JAM3: variants seen among roughly 807,000 people sequenced by gnomAD.
JAM3 encodes the protein junctional adhesion molecule C.
JAM3 carries 31 observed loss-of-function variants against 39.4 expected under a neutral mutation model. The ratio of observed to expected loss-of-function variants is 0.79; its 90% CI spans 0.59 to 1.06. The LOEUF (loss-of-function observed/expected upper bound fraction) is 1.06, where lower values mean the gene tolerates loss of function less well. Among genes scored for constraint, JAM3 ranks in the 50% least tolerant of loss-of-function variants. The probability of loss-of-function intolerance (pLI) is 0.00; values close to 1 mark genes in which losing one functional copy is unlikely to be tolerated. For synonymous variants in JAM3, 182 were observed against 148.7 expected, an observed-to-expected ratio of 1.22 and a Z score of -1.63; for missense variants, 455 against 391.4, an observed-to-expected ratio of 1.16 and a Z score of -1.37.
chr11:134,118,969 C>CTTTTTT lies in JAM3; in HGVS notation c.77-20871_77-20866dup, dbSNP rs61244231. Among the ~76,000 whole-genome samples the CTTTTTT allele has an allele frequency of 2.8e-5, 4 of 140,418 alleles. No individual in the cohort carries two copies. In the East Asian group the frequency reaches 6.2e-4, roughly 22 times the overall value. The allele number at this position is 140,418 out of a possible 152,430, so 92.1% of individuals were successfully genotyped here. On this transcript the variant is annotated intron_variant, in intron 1 of 8. Transcript: ENST00000299106. ...TTAATCAGATTTGTGCTCAAGAAAT[C>CTTTTTT]TTTTTTTTTTTTTTTTGATACAGAG...
intron 1 of JAM3, chr11:134,124,241 CTCG>C: frequency 1.1e-5 from 14 of 1,242,750 alleles, no homozygotes; most frequent in Non-Finnish European, 1.7e-5. Flanking sequence ...CCTCTGGGAA[CTCG>C]TTGAGAGTAG....
intron 1 of JAM3, among the ~76,000 whole-genome samples, chr11:134,080,620 G>A (rs1941650689): frequency 1.3e-5 from 2 of 152,148 alleles, no homozygotes; most frequent in South Asian, 4.1e-4. Flanking sequence ...CCGTGATTGT[G>A]AGGCCTCCCC....
chr11:134,111,437 A>G (rs1476384752), intron 1 of JAM3, among the ~76,000 whole-genome samples: 1 of 152,138 alleles, frequency 6.6e-6, no homozygotes, highest in East Asian at 1.9e-4. Context: ...AATACCAGTG[A>G]AAATCAAGGC....
chr11:134,116,723 G>A (rs933720672), intron 1 of JAM3, among the ~76,000 whole-genome samples: 15 of 151,684 alleles, frequency 9.9e-5, no homozygotes, highest in African/African-American at 3.6e-4. Context: ...TTGGTTATCA[G>A]GTGTCACTGC....
intron 1 of JAM3, among the ~76,000 whole-genome samples, chr11:134,108,714 C>T (rs368327041): frequency 6.6e-6 from 1 of 152,028 alleles, no homozygotes; most frequent in African/African-American, 2.4e-5. Context: ...TCAACAGATG[C>T]AGAAAAAGCA....
intron 1 of JAM3, among the ~76,000 whole-genome samples, chr11:134,090,569 A>G (rs1039443588): frequency 2.0e-5 from 3 of 152,238 alleles, no homozygotes; most frequent in African/African-American, 7.2e-5. Flanking sequence ...GCTTCAAACT[A>G]TTAAGTAAAT....
intron 1 of JAM3, among the ~76,000 whole-genome samples, chr11:134,100,863 A>G (rs470944): frequency 0.4 from 60,126 of 152,108 alleles, 12,931 homozygotes; most frequent in African/African-American, 0.58. Flanking sequence ...CCACTATATT[A>G]TACTGCTTCC....
At chr11:134,101,387 C>G (rs1287492335) in intron 1 of JAM3, among the ~76,000 whole-genome samples, 1 of 152,034 alleles carries the variant, frequency 6.6e-6, no homozygotes, top group Non-Finnish European at 1.5e-5. Flanking sequence ...TGCAGAAGAC[C>G]AGAATATTTA....
chr11:134,119,468 T>A (rs1007752985), intron 1 of JAM3, among the ~76,000 whole-genome samples: 4 of 152,206 alleles, frequency 2.6e-5, no homozygotes, highest in African/African-American at 4.8e-5. Flanking sequence ...TATTAGTGTT[T>A]AGGATTCTCC....
intron 3 of JAM3, among the ~76,000 whole-genome samples, chr11:134,143,119 C>T (rs1943005376): frequency 6.6e-6 from 1 of 152,172 alleles, no homozygotes; most frequent in Non-Finnish European, 1.5e-5. Flanking sequence ...ACCAAGAGTA[C>T]AACTGCTGAG....
At position 134,146,567 on chromosome 11, in the gene JAM3, AAAAC is replaced by A. The variant is rs1163669263; in HGVS notation, c.712+526_712+529del. Among the ~76,000 whole-genome samples, 9 of 151,614 alleles carry A rather than the reference AAAAC, an allele frequency of 5.9e-5. No individual in the cohort carries two copies. The South Asian group carries it at 8.3e-4, about 14-fold the overall frequency. ...CTTGGGGAGCTTTTTTTTTTCTTAA[AAAAC>A]AAAAAACAAAAAACACCACAGGGTC... On this transcript the variant is annotated intron_variant, in intron 6 of 8. Transcript: ENST00000299106.
Position 134,144,243 on chromosome 11 carries a change from G to T in JAM3, c.259G>T (p.Asp87Tyr). 6.2e-7 allele frequency: 1 copy of T among 1,614,182 alleles called. No individual in the cohort carries two copies. Among genetic ancestry groups the T allele is most frequent in the South Asian group, 1.1e-5 (1 of 91,084 alleles). The change falls in exon 4 of 9, where the codon GAC (aspartate) becomes TAC (tyrosine). Residue 87 changes from aspartate to tyrosine, a missense_variant and splice_region_variant. Physicochemically the swap from Asp to Tyr is radical, Grantham distance 160. Coordinates refer to ENST00000299106, the MANE Select transcript of JAM3 (RefSeq NM_032801.5). ...YVFFDNKIQG[D>Y]LAGRAEILGK... ...AGTGCCTCGTGTCTTTTCTGTAGGAGACTTGGCGGGTCGTGCAGAAATACT... is the reference window on the plus strand; with the variant it reads ...AGTGCCTCGTGTCTTTTCTGTAGGATACTTGGCGGGTCGTGCAGAAATACT...
At chr11:134,144,019 G>A (rs1943023453) in intron 3 of JAM3, among the ~76,000 whole-genome samples, 3 of 152,172 alleles carry the variant, frequency 2.0e-5, no homozygotes, top group African/African-American at 7.2e-5. Flanking sequence ...TAATGAGTGT[G>A]TCTTGCACAC....
At chr11:134,125,430 C>T (rs544710556) in intron 1 of JAM3, among the ~76,000 whole-genome samples, 1 of 152,324 alleles carries the variant, frequency 6.6e-6, no homozygotes, top group East Asian at 1.9e-4. Context: ...TACAGATCCT[C>T]TTCCCACTTT....
chr11:134,071,200 A>G (rs1186181465), intron 1 of JAM3, among the ~76,000 whole-genome samples: 2 of 152,194 alleles, frequency 1.3e-5, no homozygotes, highest in Non-Finnish European at 2.9e-5. Flanking sequence ...TGTTACAAGA[A>G]TTTAATGTTT....
At chr11:134,139,795 G>C (rs370157844) in intron 1 of JAM3, 56 bp from the exon 2 acceptor site, 2 of 1,410,076 alleles carry the variant, frequency 1.4e-6, no homozygotes, top group Non-Finnish European at 2.0e-6. Flanking sequence ...TCAGTGCAAG[G>C]TTTCTCTGCC....
Position 134,151,767 on chromosome 11 carries a change from C to T in JAM3, c.*2586C>T, listed in dbSNP as rs937891187. Reference sequence around the variant, plus strand: ...AAAAAAACCCAAACATTGCTTCATTCTTTGTTATTTGCTCTTACGTTGGGT... The same window carrying T: ...AAAAAAACCCAAACATTGCTTCATTTTTTGTTATTTGCTCTTACGTTGGGT... On this transcript the variant is annotated 3_prime_UTR_variant, in exon 9 of 9. Coordinates refer to ENST00000299106, the MANE Select transcript of JAM3 (RefSeq NM_032801.5). 2.0e-5 allele frequency: 3 copies of T among 152,150 alleles called. No individual in the cohort carries two copies. The highest frequency in any genetic ancestry group is 4.4e-5 in the Non-Finnish European group (3 of 68,020). 9.4% of individuals were successfully genotyped at this position (152,150 alleles called of 1,614,324 possible). A position where few individuals can be genotyped will look rare whatever the true frequency, so the allele number is the denominator to read the frequency against.
chr11:134,119,514 G>A (rs977470347), intron 1 of JAM3, among the ~76,000 whole-genome samples: 4 of 152,202 alleles, frequency 2.6e-5, no homozygotes, highest in African/African-American at 9.6e-5. Context: ...GAGAGATAGA[G>A]ATGTATTATA....
chr11:134,134,368 AG>A (rs1942821947), intron 1 of JAM3, among the ~76,000 whole-genome samples: 1 of 146,964 alleles, frequency 6.8e-6, no homozygotes, highest in South Asian at 2.2e-4. Context: ...AGATCCATGA[AG>A]CTCAGAAAAC....
Sources: gnomAD v4.1 joint callset for allele counts (sites outside exome capture counted in the v4.1 genomes callset) on GRCh38, gnomAD v4.1.1 for gene constraint, MANE v1.5 for transcripts, NCBI Gene and HGNC (gene_info 2026-07-23, HGNC 2026-07-21) for gene names.